Variants in JPH1 observed in about 807,000 individuals in gnomAD.
JPH1 encodes junctophilin 1.
JPH1 carries 12 observed loss-of-function variants against 53.6 expected under a neutral mutation model. That is an observed-to-expected ratio of 0.22 (90% CI 0.14 to 0.36). The LOEUF is 0.36. Ranked by LOEUF, JPH1 falls within the 10% of genes least tolerant of loss-of-function variation. The pLI is 1.00. For synonymous variants in JPH1, 375 were observed against 363.8 expected, an observed-to-expected ratio of 1.03 and a Z score of -0.35; for missense variants, 808 against 905.5, an observed-to-expected ratio of 0.89 and a Z score of 1.38.
intron 2 of JPH1, among the ~76,000 whole-genome samples, chr8:74,263,743 T>C (rs1407930461): frequency 6.6e-6 from 1 of 152,214 alleles, no homozygotes; most frequent in Non-Finnish European, 1.5e-5. Context: ...TCCTTCCACA[T>C]TGTCTTGAAA....
chr8:74,259,578 C>G (rs553390432), intron 2 of JPH1, 75 bp from the exon 3 acceptor site: 1 of 1,079,194 alleles, frequency 9.3e-7, no homozygotes, highest in Non-Finnish European at 1.3e-6. Context: ...AAATTGTAAT[C>G]TGGGAAAAGA....
Position 74,235,376 on chromosome 8 carries a change from C to A in JPH1, c.*1675G>T, listed in dbSNP as rs1327982536. The A allele has an allele frequency of 6.6e-6, 1 of 152,506 alleles. No individual in the cohort carries two copies. Among genetic ancestry groups the A allele is most frequent in the Non-Finnish European group, 1.5e-5 (1 of 68,022 alleles). 9.4% of individuals were successfully genotyped at this position (152,506 alleles called of 1,614,324 possible). A position where few individuals can be genotyped will look rare whatever the true frequency, so the allele number is the denominator to read the frequency against. ...CACCCAGGATTTTCAACATATTGTGCTTCTGTAAGAAACATCACTGGGTTA... is the reference window on the plus strand; with the variant it reads ...CACCCAGGATTTTCAACATATTGTGATTCTGTAAGAAACATCACTGGGTTA... On this transcript the variant is annotated 3_prime_UTR_variant, in exon 6 of 6. Transcript: ENST00000342232.
chr8:74,278,718 G>A (rs771267602), intron 2 of JPH1, among the ~76,000 whole-genome samples: 5 of 152,152 alleles, frequency 3.3e-5, no homozygotes, highest in Non-Finnish European at 5.9e-5. Context: ...AAGGTAATAC[G>A]TTGTGCCAAA....
rs1301578464 is a variant in JPH1, at chr8:74,315,997, G to T, written c.380-377C>A. Among the ~76,000 whole-genome samples, 1 of 152,164 alleles carries T rather than the reference G, an allele frequency of 6.6e-6. No individual in the cohort carries two copies. The highest frequency in any genetic ancestry group is 2.4e-5 in the African/African-American group (1 of 41,446). ...ACAAGGAAACAGTAGAAGATGAAATGAATTCTATGTGTAAATTTTATTCTA... is the reference window on the plus strand; with the variant it reads ...ACAAGGAAACAGTAGAAGATGAAATTAATTCTATGTGTAAATTTTATTCTA... On this transcript the variant is annotated intron_variant, in intron 1 of 5. Coordinates refer to ENST00000342232, the MANE Select transcript of JPH1 (RefSeq NM_020647.4). This position sits in a 1 kb window ranked among gnomAD's most constrained non-coding sequence, Gnocchi z 6.3.
chr8:74,312,810 CTTCT>C (rs1357522609), intron 2 of JPH1, among the ~76,000 whole-genome samples: 1 of 152,014 alleles, frequency 6.6e-6, no homozygotes, highest in Non-Finnish European at 1.5e-5. Flanking sequence ...CTGTGACTGA[CTTCT>C]TTCATTTGCA....
chr8:74,268,344 G>A (rs906008107), intron 2 of JPH1, among the ~76,000 whole-genome samples: 4 of 152,164 alleles, frequency 2.6e-5, no homozygotes, highest in African/African-American at 9.7e-5. Context: ...CAGCAGGGCT[G>A]TCTCTTCTGG....
chr8:74,268,019 C>T (rs774163377), intron 2 of JPH1, among the ~76,000 whole-genome samples: 2 of 152,164 alleles, frequency 1.3e-5, no homozygotes, highest in Non-Finnish European at 2.9e-5. Context: ...CAGGCAGACC[C>T]AGGTGCACAC....
chr8:74,295,377 G>A (rs1051581092), intron 2 of JPH1, among the ~76,000 whole-genome samples: 1 of 151,912 alleles, frequency 6.6e-6, no homozygotes, highest in African/African-American at 2.4e-5. Context: ...TATATTATAC[G>A]CTGGCTTTCT....
chr8:74,296,506 AG>A (rs1807526309), intron 2 of JPH1, among the ~76,000 whole-genome samples: 1 of 152,234 alleles, frequency 6.6e-6, no homozygotes, highest in East Asian at 1.9e-4. Context: ...TTAGAATTTA[AG>A]TGAGCAGAAT....
Position 74,272,634 on chromosome 8 carries a change from C to T in JPH1, c.1140-13131G>A, listed in dbSNP as rs984324540. Among the ~76,000 whole-genome samples the T allele has an allele frequency of 3.9e-5, 5 of 127,736 alleles. No individual in the cohort carries two copies. In the East Asian group the frequency reaches 6.8e-4, roughly 17 times the overall value. The allele number at this position is 127,736 out of a possible 152,430, so 83.8% of individuals were successfully genotyped here. On this transcript the variant is annotated intron_variant, in intron 2 of 5. Coordinates refer to ENST00000342232, the MANE Select transcript of JPH1 (RefSeq NM_020647.4). ...TTTTTTTTTTTTTGAGACGGAGTTT[C>T]GCTCTGTCGCCCAGGCTGGAGTGCA... is the stretch of plus-strand genomic sequence containing the variant.
chr8:74,266,861 AG>A (rs1487274399), intron 2 of JPH1, among the ~76,000 whole-genome samples: 1 of 152,212 alleles, frequency 6.6e-6, no homozygotes, highest in African/African-American at 2.4e-5. Flanking sequence ...TAGAGGAAAC[AG>A]CTGTAATGTA....
At position 74,315,895 on chromosome 8, in the gene JPH1, C is replaced by A. The variant is rs1808144293; in HGVS notation, c.380-275G>T. Among the ~76,000 whole-genome samples, 1 of 152,188 alleles carries A rather than the reference C, an allele frequency of 6.6e-6. No individual in the cohort carries two copies. Among genetic ancestry groups the A allele is most frequent in the African/African-American group, 2.4e-5 (1 of 41,450 alleles). ...TATTTCAGAGGAAAACCACTACTTTCTAATACAAAAAGTGAACACTGGGAA... is the reference window on the plus strand; with the variant it reads ...TATTTCAGAGGAAAACCACTACTTTATAATACAAAAAGTGAACACTGGGAA... On this transcript the variant is annotated intron_variant, in intron 1 of 5. Transcript: ENST00000342232. The surrounding 1 kb of genome is among the most constrained non-coding windows in gnomAD (Gnocchi z 6.3).
intron 3 of JPH1, among the ~76,000 whole-genome samples, chr8:74,254,242 C>T (rs1405486584): frequency 9.2e-5 from 14 of 151,830 alleles, no homozygotes; most frequent in African/African-American, 2.2e-4. Flanking sequence ...GTTCAACATA[C>T]GAAAATGAAT....
rs2131377687 is a variant in JPH1 at position 74,245,015 on chromosome 8, G to A, written c.1419C>T (p.Ser473=). ...GCTTTGGGGAGGAAGCAGGAGAGTG[G>A]CTGTGTTTGGGACTTGCCTCAGGAG... is the stretch of plus-strand genomic sequence containing the variant. The part of the protein sequence containing the change: ...PRSPEASPKH[S]HSPASSPKPL... Residue 473 remains serine (S), a synonymous_variant, in exon 4 of 6, where the codon AGC becomes AGT. Coordinates refer to ENST00000342232, the MANE Select transcript of JPH1 (RefSeq NM_020647.4). The A allele has an allele frequency of 1.2e-6, 2 of 1,614,022 alleles. No homozygotes were observed.
At chr8:74,289,988 A>G (rs1807275996) in intron 2 of JPH1, among the ~76,000 whole-genome samples, 1 of 152,092 alleles carries the variant, frequency 6.6e-6, no homozygotes, top group African/African-American at 2.4e-5. Context: ...TTTATTGAGG[A>G]TTTTTGCATC....
intron 1 of JPH1, among the ~76,000 whole-genome samples, chr8:74,316,483 C>T (rs1406303708): frequency 1.3e-5 from 2 of 152,104 alleles, no homozygotes; most frequent in Non-Finnish European, 1.5e-5. Context: ...TCTCATGTGT[C>T]CTCTGGTCTG....
chr8:74,261,704 C>G lies in JPH1; in HGVS notation c.1140-2201G>C, dbSNP rs117399391. Among the ~76,000 whole-genome samples the G allele has an allele frequency of 0.012, 1,843 of 152,198 alleles. 84 individuals carry two copies. In the East Asian group the frequency reaches 0.14, roughly 12 times the overall value. On this transcript the variant is annotated intron_variant, in intron 2 of 5. Transcript: ENST00000342232. ...TTCTCAGAATCTAAACTTTTTTCCC[C>G]CAAATGATTTTCCATTTTGTCCGCT...
intron 2 of JPH1, among the ~76,000 whole-genome samples, chr8:74,284,797 G>A (rs1807113214): frequency 6.9e-6 from 1 of 144,080 alleles, no homozygotes; most frequent in Non-Finnish European, 1.5e-5. Context: ...AGACCGGTAT[G>A]TGCTGGTATG....
intron 4 of JPH1, among the ~76,000 whole-genome samples, chr8:74,239,864 G>A (rs898739506): frequency 1.3e-5 from 2 of 152,208 alleles, no homozygotes; most frequent in African/African-American, 4.8e-5. Context: ...GTATATATGT[G>A]ATATTTTGAT....
Sources: allele counts gnomAD v4.1 joint callset (sites outside exome capture counted in the v4.1 genomes callset), GRCh38; gene constraint gnomAD v4.1.1; non-coding constraint Gnocchi (gnomAD v3.1); transcripts MANE v1.5; gene names NCBI Gene and HGNC (gene_info 2026-07-23, HGNC 2026-07-21).